Variants in MARK2 observed in about 807,000 individuals in gnomAD.
MARK2 encodes the protein microtubule affinity regulating kinase 2.
In MARK2, 16 loss-of-function variants were observed where a neutral mutation model predicts 89.8. The ratio of observed to expected loss-of-function variants is 0.18; its 90% CI spans 0.12 to 0.27. The LOEUF is 0.27. MARK2 is among the 10% of genes least tolerant of loss of function. The probability of loss-of-function intolerance (pLI) is 1.00; values close to 1 mark genes in which losing one functional copy is unlikely to be tolerated. For synonymous variants in MARK2, 382 were observed against 399.5 expected (o/e 0.96, Z 0.52); for missense variants, 621 against 1,049.9 (o/e 0.59, Z 5.65).
Position 63,903,860 on chromosome 11 carries a change from C to A in MARK2, c.1515-126C>A. The A allele has an allele frequency of 1.4e-6, 1 of 701,936 alleles. No homozygotes were observed. Among genetic ancestry groups the A allele is most frequent in the Non-Finnish European group, 2.3e-6 (1 of 429,236 alleles). The allele number at this position is 701,936 out of a possible 1,614,324, so 43.5% of individuals were successfully genotyped here. A position where few individuals can be genotyped will look rare whatever the true frequency, so the allele number is the denominator to read the frequency against. On this transcript the variant is annotated intron_variant, in intron 14 of 18. Coordinates refer to ENST00000402010, the MANE Select transcript of MARK2 (RefSeq NM_001039469.3). The surrounding 1 kb of genome is among the most constrained non-coding windows in gnomAD (Gnocchi z 5.1). ...TTCTGACTTGCATCCCGCTGCTGCCCAGGCCTGACTTCTACCCTGCCAGAG... is the reference window on the plus strand; with the variant it reads ...TTCTGACTTGCATCCCGCTGCTGCCAAGGCCTGACTTCTACCCTGCCAGAG...
intron 3 of MARK2, among the ~76,000 whole-genome samples, chr11:63,897,659 G>C (rs559968525): frequency 3.3e-5 from 5 of 152,226 alleles, no homozygotes; most frequent in Non-Finnish European, 7.3e-5. Context: ...TTCACAAAGA[G>C]AGCGTGAGTG....
rs1020689041 is a variant in MARK2, at chr11:63,902,377, G to A, written c.1234+47G>A. On this transcript the variant is annotated intron_variant, in intron 12 of 18. Transcript: ENST00000402010. This position sits in a 1 kb window ranked among gnomAD's most constrained non-coding sequence, Gnocchi z 4.2. The stretch of plus-strand genomic sequence containing the variant: ...AGGTGGGGACTCACCCCTCTCCAGA[G>A]AGGTTACAGGTTCTGTGGGGACTTG... 1.7e-5 allele frequency: 27 copies of A among 1,610,716 alleles called. No individual in the cohort carries two copies. The highest frequency in any genetic ancestry group is 2.0e-5 in the Non-Finnish European group (24 of 1,177,952).
chr11:63,904,924 G>A lies in MARK2; in HGVS notation c.1815G>A (p.Val605=). The change falls in exon 16 of 19, where the codon GTG becomes GTA. Residue 605 remains valine, a synonymous_variant. Coordinates refer to ENST00000402010, the MANE Select transcript of MARK2 (RefSeq NM_001039469.3). This position sits in a 1 kb window ranked among gnomAD's most constrained non-coding sequence, Gnocchi z 6.3. ...STFHAGQLRQ[V]RDQQNLPYGV... ...TCCATGCTGGGCAGCTCCGACAGGT[G>A]CGGGACCAGCAGAATTTGCCCTACG... 1 of 1,614,254 alleles carries A rather than the reference G, an allele frequency of 6.2e-7. No individual in the cohort carries two copies. Among genetic ancestry groups the A allele is most frequent in the South Asian group, 1.1e-5 (1 of 91,092 alleles).
At chr11:63,845,071 GC>G (rs2016212130) in intron 1 of MARK2, among the ~76,000 whole-genome samples, 1 of 152,184 alleles carries the variant, frequency 6.6e-6, no homozygotes, top group South Asian at 2.1e-4. Flanking sequence ...GCACTTTGAA[GC>G]CCATTAATGG....
At chr11:63,848,647 T>C (rs1417222514) in intron 1 of MARK2, among the ~76,000 whole-genome samples, 1 of 149,992 alleles carries the variant, frequency 6.7e-6, no homozygotes, top group Non-Finnish European at 1.5e-5. Flanking sequence ...GCCTCCCGGG[T>C]TCACACCATT....
At chr11:63,872,880 T>C in intron 1 of MARK2, among the ~76,000 whole-genome samples, 1 of 136,522 alleles carries the variant, frequency 7.3e-6, no homozygotes, top group Non-Finnish European at 1.6e-5. Flanking sequence ...CTCCCCCACT[T>C]CTCCCTGCCC....
In MARK2 at chr11:63,906,102, G is replaced by A. The variant is rs1465362947; in HGVS notation, c.1949G>A (p.Arg650Lys). Residue 650 changes from arginine to lysine, a missense_variant, in exon 17 of 19, where the codon AGG (arginine) becomes AAG (lysine). By Grantham distance (26) the Arg-to-Lys change is conservative. Coordinates refer to ENST00000402010, the MANE Select transcript of MARK2 (RefSeq NM_001039469.3). ...TGTTTTTTTAGAAATCTGTCTTTCA[G>A]GTTTGCCAGAAGGTAGGCGTTGAGC... Reference protein sequence around the residue: ...SKFVRRNLSFRFARRNLNEPE... With the variant: ...SKFVRRNLSFKFARRNLNEPE... The A allele has an allele frequency of 1.5e-6, 2 of 1,342,976 alleles. No individual in the cohort carries two copies. Among genetic ancestry groups the A allele is most frequent in the East Asian group, 2.9e-5 (1 of 34,504 alleles). The allele number at this position is 1,342,976 out of a possible 1,614,324, so 83.2% of individuals were successfully genotyped here.
intron 1 of MARK2, among the ~76,000 whole-genome samples, chr11:63,882,320 A>G (rs1392649505): frequency 6.6e-6 from 1 of 152,098 alleles, no homozygotes; most frequent in Non-Finnish European, 1.5e-5. Context: ...TTAGTGGCTC[A>G]CACCTGTAAT....
intron 1 of MARK2, chr11:63,869,156 G>A (rs1938304828): frequency 3.5e-6 from 1 of 284,954 alleles, no homozygotes; most frequent in African/African-American, 2.2e-5. Flanking sequence ...GTGGGGTGGT[G>A]GAAATAAGGA....
chr11:63,862,979 T>TG (rs1339168380), intron 1 of MARK2, among the ~76,000 whole-genome samples: 1 of 152,222 alleles, frequency 6.6e-6, no homozygotes, highest in Admixed American at 6.5e-5. Flanking sequence ...GTGTGCCACT[T>TG]GCACACACAC....
At chr11:63,858,585 C>T (rs1053813827) in intron 1 of MARK2, among the ~76,000 whole-genome samples, 6 of 149,770 alleles carry the variant, frequency 4.0e-5, no homozygotes, top group African/African-American at 1.5e-4. Flanking sequence ...GAACTCCTGA[C>T]CTCGTGATCC....
In MARK2 at chr11:63,898,725, G is replaced by A. The variant is rs748718570; in HGVS notation, c.404-38G>A. The A allele has an allele frequency of 5.0e-6, 8 of 1,612,034 alleles. No individual in the cohort carries two copies. In the South Asian group the frequency reaches 7.7e-5, roughly 15 times the overall value. On this transcript the variant is annotated intron_variant, in intron 5 of 18. Coordinates refer to ENST00000402010, the MANE Select transcript of MARK2 (RefSeq NM_001039469.3). ...TGTGCCCCCACTTCTTCCACCTCCA[G>A]CCAGCTCTGACTGAGATCCCTGCCT...
intron 1 of MARK2, among the ~76,000 whole-genome samples, chr11:63,872,764 C>T (rs1461607362): frequency 6.6e-6 from 1 of 152,104 alleles, no homozygotes; most frequent in African/African-American, 2.4e-5. Flanking sequence ...CTGTAGTGCC[C>T]AGAGATTGGA....
At chr11:63,839,998 C>A (rs1414531694) in intron 1 of MARK2, among the ~76,000 whole-genome samples, 1 of 152,218 alleles carries the variant, frequency 6.6e-6, no homozygotes, top group Non-Finnish European at 1.5e-5. Flanking sequence ...CCTCCGCCCG[C>A]ACCGGTTCTG....
intron 1 of MARK2, among the ~76,000 whole-genome samples, chr11:63,861,178 G>C (rs1362567308): frequency 6.6e-6 from 1 of 152,176 alleles, no homozygotes; most frequent in Non-Finnish European, 1.5e-5. Context: ...GCTCACGCGG[G>C]TAATCCCAGC....
At chr11:63,872,406 G>A (rs941757214) in intron 1 of MARK2, among the ~76,000 whole-genome samples, 7 of 152,152 alleles carry the variant, frequency 4.6e-5, no homozygotes, top group South Asian at 2.1e-4. Flanking sequence ...GGTCACAGCC[G>A]GCAAAGCACA....
intron 1 of MARK2, among the ~76,000 whole-genome samples, chr11:63,881,261 C>T (rs920571777): frequency 6.6e-6 from 1 of 151,970 alleles, no homozygotes; most frequent in South Asian, 2.1e-4. Context: ...GCCGAGATCA[C>T]GCCACTGCAC....
chr11:63,889,530 C>T (rs1191027536), intron 1 of MARK2, among the ~76,000 whole-genome samples: 8 of 152,338 alleles, frequency 5.3e-5, no homozygotes, highest in African/African-American at 1.7e-4. Flanking sequence ...CCAGGCCTCT[C>T]GGGGTGGAGG....
At position 63,902,744 on chromosome 11, in the gene MARK2, G is replaced by T. The variant is rs140950433; in HGVS notation, c.1378G>T (p.Gly460Cys). Residue 460 changes from glycine (G) to cysteine (C), a missense_variant, in exon 13 of 19, where the codon GGT becomes TGT. By Grantham distance (159) the Gly-to-Cys change is radical (BLOSUM62 -3). This residue lies in a region of MARK2 where 397 missense variants were observed against 567.8 expected (regional missense o/e 0.70). Coordinates refer to ENST00000402010, the MANE Select transcript of MARK2 (RefSeq NM_001039469.3). The surrounding 1 kb of genome is among the most constrained non-coding windows in gnomAD (Gnocchi z 4.2). Reference sequence around the variant, plus strand: ...CAAGGTGCCTGCCAGCCCCCTGCCCGGTCTGGAGAGGAAGAAGACCACCCC... The same window carrying T: ...CAAGGTGCCTGCCAGCCCCCTGCCCTGTCTGGAGAGGAAGAAGACCACCCC... ...TAKVPASPLP[G>C]LERKKTTPTP... 6 of 1,613,456 alleles carry T rather than the reference G, an allele frequency of 3.7e-6. No individual in the cohort carries two copies. In the African/African-American group the frequency reaches 6.7e-5, roughly 18 times the overall value.
Sources: allele counts gnomAD v4.1 joint callset (sites outside exome capture counted in the v4.1 genomes callset), GRCh38; gene constraint gnomAD v4.1.1; regional missense constraint gnomAD v4.1.1; non-coding constraint Gnocchi (gnomAD v3.1); transcripts MANE v1.5; gene names NCBI Gene and HGNC (gene_info 2026-07-23, HGNC 2026-07-21).